CAP2: variants seen among roughly 807,000 people sequenced by gnomAD.
CAP2 encodes the protein cyclase associated actin cytoskeleton regulatory protein 2.
CAP2 carries 24 observed loss-of-function variants against 57.7 expected under a neutral mutation model. The ratio of observed to expected loss-of-function variants is 0.42; its 90% CI spans 0.30 to 0.58. The LOEUF (loss-of-function observed/expected upper bound fraction) is 0.58, where lower values mean the gene tolerates loss of function less well. Among genes scored for constraint, CAP2 ranks in the 20% least tolerant of loss-of-function variants. The probability of loss-of-function intolerance (pLI) is 0.22; values close to 1 mark genes in which losing one functional copy is unlikely to be tolerated. For synonymous variants in CAP2, 194 were observed against 207.2 expected, an observed-to-expected ratio of 0.94 and a Z score of 0.55; for missense variants, 501 against 590.3, an observed-to-expected ratio of 0.85 and a Z score of 1.57.
chr6:17,490,114 C>T (rs912035484), intron 4 of CAP2, among the ~76,000 whole-genome samples: 3 of 152,124 alleles, frequency 2.0e-5, no homozygotes, highest in Non-Finnish European at 4.4e-5. Flanking sequence ...TATTAATATG[C>T]ATAGTAATTT....
chr6:17,467,077 C>G (rs1443963930), intron 4 of CAP2, among the ~76,000 whole-genome samples: 7 of 152,056 alleles, frequency 4.6e-5, no homozygotes, highest in Admixed American at 4.6e-4. Flanking sequence ...TCCAGGGAGT[C>G]CCTTGGATCC....
chr6:17,444,845 A>ACACACACAC (rs1342301285), intron 3 of CAP2, among the ~76,000 whole-genome samples: 1 of 81,132 alleles, frequency 1.2e-5, no homozygotes, highest in African/African-American at 4.3e-5. Context: ...CACACACACA[A>ACACACACAC]CACGAGTCCT....
intron 1 of CAP2, among the ~76,000 whole-genome samples, chr6:17,410,597 T>TCTCGCTCTGTCAC (rs1202738230): frequency 1.3e-5 from 2 of 149,724 alleles, no homozygotes; most frequent in African/African-American, 4.9e-5. Context: ...TGAGACGGAG[T>TCTCGCTCTGTCAC]CCAGAGCTGG....
chr6:17,490,796 G>C (rs928822884), intron 4 of CAP2, among the ~76,000 whole-genome samples: 3 of 152,196 alleles, frequency 2.0e-5, no homozygotes, highest in African/African-American at 7.2e-5. Flanking sequence ...GGGCAGCCAG[G>C]GCAGCAGGGG....
chr6:17,549,720 C>G (rs1431245133), intron 11 of CAP2, among the ~76,000 whole-genome samples: 3 of 152,156 alleles, frequency 2.0e-5, no homozygotes, highest in African/African-American at 7.2e-5. Flanking sequence ...CCTACAGGAA[C>G]TACAATTTGA....
chr6:17,397,836 G>A (rs1007658579), intron 1 of CAP2, among the ~76,000 whole-genome samples: 1 of 150,302 alleles, frequency 6.7e-6, no homozygotes, highest in African/African-American at 2.4e-5. Flanking sequence ...CTATTACAAA[G>A]AATGCTGCTT....
rs372123063 is a variant in CAP2, at chr6:17,504,710, C to A, written c.301-2459C>A. Among the ~76,000 whole-genome samples the A allele has an allele frequency of 9.9e-5, 15 of 152,206 alleles. No homozygotes were observed. In the South Asian group the frequency reaches 3.1e-3, roughly 32 times the overall value. ...AAAGAAATACATTTTATTTGGCAAC[C>A]CAGTACACACACAAACACACACACA... On this transcript the variant is annotated intron_variant, in intron 4 of 12. Coordinates refer to ENST00000229922, the MANE Select transcript of CAP2 (RefSeq NM_006366.3).
At chr6:17,537,164 G>A (rs1406884876) in intron 7 of CAP2, among the ~76,000 whole-genome samples, 1 of 152,078 alleles carries the variant, frequency 6.6e-6, no homozygotes, top group Non-Finnish European at 1.5e-5. Context: ...TAAGTGCTTT[G>A]AAAATAGCGT....
At chr6:17,446,692 A>G (rs1403514836) in intron 3 of CAP2, among the ~76,000 whole-genome samples, 1 of 152,254 alleles carries the variant, frequency 6.6e-6, no homozygotes, top group Non-Finnish European at 1.5e-5. Flanking sequence ...TACAACAAGC[A>G]TGTGTTGCTG....
At chr6:17,485,172 T>C (rs1300926540) in intron 4 of CAP2, among the ~76,000 whole-genome samples, 1 of 152,114 alleles carries the variant, frequency 6.6e-6, no homozygotes, top group East Asian at 1.9e-4. Flanking sequence ...AGTCCTGTTA[T>C]AAACAGTACT....
intron 3 of CAP2, among the ~76,000 whole-genome samples, chr6:17,432,741 T>C (rs1759770510): frequency 6.8e-6 from 1 of 146,416 alleles, no homozygotes; most frequent in African/African-American, 2.5e-5. Flanking sequence ...GCTTTTCTTC[T>C]TTTTCTTGCT....
intron 3 of CAP2, among the ~76,000 whole-genome samples, chr6:17,455,639 T>C (rs1455277382): frequency 6.6e-6 from 1 of 151,934 alleles, no homozygotes. Context: ...GGGTTCATGC[T>C]GTTCTCCTGC....
intron 3 of CAP2, among the ~76,000 whole-genome samples, chr6:17,430,674 G>A (rs1759704938): frequency 6.6e-6 from 1 of 152,042 alleles, no homozygotes; most frequent in South Asian, 2.1e-4. Context: ...AAGTACCTGG[G>A]ATTACAGCCG....
At chr6:17,394,900 G>A (rs760827551) in intron 1 of CAP2, among the ~76,000 whole-genome samples, 2 of 152,200 alleles carry the variant, frequency 1.3e-5, no homozygotes, top group Non-Finnish European at 2.9e-5. Flanking sequence ...GTAATGGATA[G>A]ACAATAAAAG....
chr6:17,548,600 A>C (rs1717307408), intron 11 of CAP2, among the ~76,000 whole-genome samples: 1 of 152,216 alleles, frequency 6.6e-6, no homozygotes, highest in African/African-American at 2.4e-5. Flanking sequence ...ATTCACCTCA[A>C]AATCTCAACA....
intron 1 of CAP2, among the ~76,000 whole-genome samples, chr6:17,405,090 T>G (rs144411372): frequency 1.3e-3 from 197 of 152,094 alleles, no homozygotes; most frequent in African/African-American, 4.4e-3. Flanking sequence ...GTGATAAAGT[T>G]TAATATATAA....
chr6:17,543,179 A>G (rs1233705369), intron 11 of CAP2, 36 bp downstream of exon 11: 16 of 1,548,532 alleles, frequency 1.0e-5, no homozygotes, highest in African/African-American at 1.4e-5. Flanking sequence ...TGTAATAAGC[A>G]GAGCCTTTCC....
At chr6:17,518,723 G>A (rs1581589366) in intron 7 of CAP2, among the ~76,000 whole-genome samples, 2 of 152,022 alleles carry the variant, frequency 1.3e-5, no homozygotes, top group East Asian at 3.9e-4. Context: ...CTGCAACCTT[G>A]ACCTCTTGGA....
chr6:17,526,956 CAAAAAAAAAA>C (rs1221212193), intron 7 of CAP2, among the ~76,000 whole-genome samples: 11 of 80,100 alleles, frequency 1.4e-4, no homozygotes, highest in African/African-American at 5.6e-4. Context: ...GACTCTGTCT[CAAAAAAAAAA>C]AAAAAAAAAA....
Sources: allele counts gnomAD v4.1 joint callset (sites outside exome capture counted in the v4.1 genomes callset), GRCh38; gene constraint gnomAD v4.1.1; transcripts MANE v1.5; gene names NCBI Gene and HGNC (gene_info 2026-07-23, HGNC 2026-07-21).